The following HTR7 variants were observed in gnomAD, a reference collection of about 807,000 sequenced individuals.
HTR7 encodes the protein 5-hydroxytryptamine receptor 7, also known as 5-HT-7.
In HTR7, 16 loss-of-function variants were observed where a neutral mutation model predicts 34.0. The observed-to-expected ratio is 0.47, with a 90% CI of 0.32 to 0.71. The LOEUF is 0.71. Among genes scored for constraint, HTR7 ranks in the 30% least tolerant of loss-of-function variants. The pLI is 0.04. For synonymous variants in HTR7, 265 were observed against 260.2 expected (o/e 1.02, Z -0.18); for missense variants, 504 against 625.5 (o/e 0.81, Z 2.07).
intron 1 of HTR7, among the ~76,000 whole-genome samples, chr10:90,750,282 T>C (rs1308759206): frequency 6.6e-6 from 1 of 152,132 alleles, no homozygotes; most frequent in Non-Finnish European, 1.5e-5. Context: ...TCTCCAGTTC[T>C]TAGGAGAATC....
At position 90,857,927 on chromosome 10, in the gene HTR7, C is replaced by T; in HGVS notation, c.-256G>A. 6.6e-6 allele frequency among the ~76,000 whole-genome samples: 1 copy of T among 151,252 alleles called. No homozygotes were observed. The highest frequency in any genetic ancestry group is 1.5e-5 in the Non-Finnish European group (1 of 67,678). ...TTCGGCCCCCGACGGACGCCTGGGA[C>T]GCGCGGAGTCGAGGGAGCTCGGGCT... On this transcript the variant is annotated 5_prime_UTR_variant, in exon 1 of 4. Transcript: ENST00000336152. The surrounding 1 kb of genome is among the most constrained non-coding windows in gnomAD (Gnocchi z 6.5).
chr10:90,779,828 C>A (rs920006864), intron 1 of HTR7, among the ~76,000 whole-genome samples: 1 of 152,166 alleles, frequency 6.6e-6, no homozygotes, highest in African/African-American at 2.4e-5. Context: ...TATTTGTGAG[C>A]GACACAAATG....
chr10:90,742,126 A>C lies in HTR7; in HGVS notation c.*356T>G, dbSNP rs1385943398. The C allele has an allele frequency of 4.5e-5, 8 of 179,440 alleles. No individual in the cohort carries two copies. Among genetic ancestry groups the C allele is most frequent in the Non-Finnish European group, 7.0e-5 (6 of 85,848 alleles). The allele number at this position is 179,440 out of a possible 1,614,324, so 11.1% of individuals were successfully genotyped here. ...TTCCTGCATATTCACCACAACGCCT[A>C]GACTCAGAAGCATGGGAAGTGTGCA... On this transcript the variant is annotated 3_prime_UTR_variant, in exon 4 of 4. Transcript: ENST00000336152.
intron 1 of HTR7, among the ~76,000 whole-genome samples, chr10:90,836,770 A>G (rs2120074015): frequency 6.6e-6 from 1 of 151,450 alleles, no homozygotes; most frequent in Middle Eastern, 3.4e-3. Context: ...TTGGCTTCCC[A>G]AAGTGCTGTG....
intron 1 of HTR7, among the ~76,000 whole-genome samples, chr10:90,817,896 G>T (rs1378872127): frequency 6.6e-6 from 1 of 152,182 alleles, no homozygotes; most frequent in East Asian, 1.9e-4. Context: ...AACAAAATGA[G>T]CTACTGATAT....
At chr10:90,791,697 T>C (rs146090068) in intron 1 of HTR7, among the ~76,000 whole-genome samples, 6 of 152,302 alleles carry the variant, frequency 3.9e-5, no homozygotes, top group Non-Finnish European at 8.8e-5. Flanking sequence ...ATTGTGTTTA[T>C]GATCCCTCCA....
intron 1 of HTR7, among the ~76,000 whole-genome samples, chr10:90,805,833 A>G (rs1348890688): frequency 6.6e-6 from 1 of 152,250 alleles, no homozygotes; most frequent in East Asian, 1.9e-4. Context: ...TTAAGTGCTT[A>G]AATCAAATAT....
intron 1 of HTR7, among the ~76,000 whole-genome samples, chr10:90,837,797 A>G (rs1041631798): frequency 1.5e-4 from 23 of 151,914 alleles, no homozygotes; most frequent in African/African-American, 5.6e-4. Flanking sequence ...TCTAGCTGCC[A>G]TCTCTCCTTT....
rs1248854098 is a variant in HTR7 at position 90,844,725 on chromosome 10, TCAAAAAAAAAAAAAA to T, written c.539+12393_539+12407del. ...CTGGGCAACAGAATGAGACTCCGTC[TCAAAAAAAAAAAAAA>T]AAAAAAAAAAAAAAAAAAAAAAAAG... On this transcript the variant is annotated intron_variant, in intron 1 of 3. Coordinates refer to ENST00000336152, the MANE Select transcript of HTR7 (RefSeq NM_019859.4). 2.4e-3 allele frequency among the ~76,000 whole-genome samples: 68 copies of T among 27,794 alleles called. 1 individual carries two copies. Among genetic ancestry groups the T allele is most frequent in the East Asian group, 0.014 (15 of 1,036 alleles). The allele number at this position is 27,794 out of a possible 152,430, so 18.2% of individuals were successfully genotyped here. A position where few individuals can be genotyped will look rare whatever the true frequency, so the allele number is the denominator to read the frequency against.
chr10:90,814,217 C>T (rs1845862628), intron 1 of HTR7, among the ~76,000 whole-genome samples: 1 of 152,180 alleles, frequency 6.6e-6, no homozygotes, highest in African/African-American at 2.4e-5. Flanking sequence ...CTTAGTAATG[C>T]CAAGTGGAGC....
chr10:90,815,554 A>C (rs894211640), intron 1 of HTR7, among the ~76,000 whole-genome samples: 2 of 152,104 alleles, frequency 1.3e-5, no homozygotes, highest in African/African-American at 4.8e-5. Context: ...CAGGAGAACA[A>C]CACATGCTGG....
intron 1 of HTR7, among the ~76,000 whole-genome samples, chr10:90,783,745 TTA>T (rs1192478296): frequency 5.3e-5 from 8 of 152,204 alleles, no homozygotes; most frequent in Non-Finnish European, 7.3e-5. Flanking sequence ...CTTGAATGGT[TTA>T]TGTTTGCCTC....
Position 90,793,728 on chromosome 10 carries a change from G to A in HTR7, c.540-44134C>T, listed in dbSNP as rs531306642. Among the ~76,000 whole-genome samples, 44 of 152,192 alleles carry A rather than the reference G, an allele frequency of 2.9e-4. No homozygotes were observed. In the South Asian group the frequency reaches 8.9e-3, roughly 31 times the overall value. On this transcript the variant is annotated intron_variant, in intron 1 of 3. Transcript: ENST00000336152. The stretch of plus-strand genomic sequence containing the variant: ...AATCCCACAATAGGCTATCTGCAAG[G>A]TGAGGAGCAAGGAAGCCAGTCTGAG...
chr10:90,839,331 C>T (rs1171278928), intron 1 of HTR7, among the ~76,000 whole-genome samples: 1 of 152,118 alleles, frequency 6.6e-6, no homozygotes, highest in Non-Finnish European at 1.5e-5. Context: ...ATTCAGGCAA[C>T]TGGACCAGAT....
At chr10:90,855,753 A>T (rs933128308) in intron 1 of HTR7, among the ~76,000 whole-genome samples, 4 of 152,250 alleles carry the variant, frequency 2.6e-5, no homozygotes, top group Admixed American at 6.5e-5. Flanking sequence ...TATGCAGTTC[A>T]TGCTCTGCTC....
intron 1 of HTR7, among the ~76,000 whole-genome samples, chr10:90,795,262 A>G (rs530025104): frequency 6.6e-6 from 1 of 152,328 alleles, no homozygotes; most frequent in East Asian, 1.9e-4. Context: ...GTATCAATTT[A>G]CAAACCAACA....
At chr10:90,842,058 G>C (rs201387981) in intron 1 of HTR7, among the ~76,000 whole-genome samples, 1 of 152,080 alleles carries the variant, frequency 6.6e-6, no homozygotes. Context: ...GTTATGGTTT[G>C]AATGTATATG....
Position 90,783,207 on chromosome 10 carries a change from C to T in HTR7, c.540-33613G>A, listed in dbSNP as rs1016359828. 5.3e-5 allele frequency among the ~76,000 whole-genome samples: 8 copies of T among 152,258 alleles called. No homozygotes were observed. The East Asian group carries it at 1.5e-3, about 29-fold the overall frequency. On this transcript the variant is annotated intron_variant, in intron 1 of 3. Transcript: ENST00000336152. ...TTCTGGACCTCAGGAGAAGGATGAA[C>T]TTAGCCCCTAGCCCCATGAGTGCCT... is the stretch of plus-strand genomic sequence containing the variant.
At chr10:90,812,535 T>G (rs528511978) in intron 1 of HTR7, among the ~76,000 whole-genome samples, 9 of 152,312 alleles carry the variant, frequency 5.9e-5, no homozygotes, top group African/African-American at 2.2e-4. Context: ...ATTTAGTTTT[T>G]CAATTCATAC....
Sources: allele counts gnomAD v4.1 joint callset (sites outside exome capture counted in the v4.1 genomes callset), GRCh38; gene constraint gnomAD v4.1.1; non-coding constraint Gnocchi (gnomAD v3.1); transcripts MANE v1.5; gene names NCBI Gene and HGNC (gene_info 2026-07-23, HGNC 2026-07-21).